The following SLC9A4 variants were observed in gnomAD, a reference collection of about 807,000 sequenced individuals.
The protein encoded by SLC9A4 is sodium/hydrogen exchanger 4.
In SLC9A4, 63 loss-of-function variants were observed where a neutral mutation model predicts 67.4. The ratio of observed to expected loss-of-function variants is 0.93; its 90% CI spans 0.76 to 1.15. SLC9A4 has a LOEUF of 1.15. Ranked by LOEUF, SLC9A4 falls within the 50% of genes most tolerant of loss-of-function variation. The pLI, the probability that SLC9A4 is intolerant of heterozygous loss-of-function variation, is 0.00. For synonymous variants in SLC9A4, 393 were observed against 367.2 expected, an observed-to-expected ratio of 1.07 and a Z score of -0.80; for missense variants, 1,089 against 987.7, an observed-to-expected ratio of 1.10 and a Z score of -1.38.
In SLC9A4 at chr2:102,519,717, A is replaced by G. The variant is rs1328816131; in HGVS notation, c.1722-142A>G. 6 of 640,356 alleles carry G rather than the reference A, an allele frequency of 9.4e-6. No individual in the cohort carries two copies. The East Asian group carries it at 1.9e-4, about 20-fold the overall frequency. The allele number at this position is 640,356 out of a possible 1,614,324, so 39.7% of individuals were successfully genotyped here. On this transcript the variant is annotated intron_variant, in intron 8 of 11. Coordinates refer to ENST00000295269, the MANE Select transcript of SLC9A4 (RefSeq NM_001011552.4). ...ATGTGTTTTGACATCAAACCAACTT[A>G]CTAGAACAATAGGAAAAATTATATG...
Position 102,477,115 on chromosome 2 carries a change from C to A in SLC9A4, c.257-1724C>A, listed in dbSNP as rs150212986. ...TTTGCTGGCTCCCCATGGCCTATGG[C>A]TGGAAGTCCACCGCCTTCCTTAGGT... On this transcript the variant is annotated intron_variant, in intron 1 of 11. Coordinates refer to ENST00000295269, the MANE Select transcript of SLC9A4 (RefSeq NM_001011552.4). Among the ~76,000 whole-genome samples the A allele has an allele frequency of 8.8e-3, 1,345 of 152,316 alleles. 27 individuals carry two copies. The highest frequency in any genetic ancestry group is 0.077 in the South Asian group (372 of 4,822).
At chr2:102,482,506 A>G (rs767230422) in intron 2 of SLC9A4, among the ~76,000 whole-genome samples, 1 of 152,134 alleles carries the variant, frequency 6.6e-6, no homozygotes, top group Non-Finnish European at 1.5e-5. Flanking sequence ...AAATACTGTC[A>G]TACTTTCAGT....
chr2:102,473,824 A>G lies in SLC9A4; in HGVS notation c.65A>G (p.Glu22Gly). 6.2e-7 allele frequency: 1 copy of G among 1,614,032 alleles called. No homozygotes were observed. The highest frequency in any genetic ancestry group is 8.5e-7 in the Non-Finnish European group (1 of 1,179,944). ...WNCLLLLVALECSEASSDLNE... is the reference protein window; with the variant it reads ...WNCLLLLVALGCSEASSDLNE... ...TGTTTGCTACTGCTAGTGGCTCTTGAGTGTTCTGAAGCATCTTCTGATTTG... is the reference window on the plus strand; with the variant it reads ...TGTTTGCTACTGCTAGTGGCTCTTGGGTGTTCTGAAGCATCTTCTGATTTG... Residue 22 changes from glutamate (E) to glycine (G), a missense_variant, in exon 1 of 12, where the codon GAG becomes GGG. Physicochemically the swap from Glu to Gly is moderately conservative, Grantham distance 98. Coordinates refer to ENST00000295269, the MANE Select transcript of SLC9A4 (RefSeq NM_001011552.4).
chr2:102,497,210 G>A (rs1684827997), intron 2 of SLC9A4, among the ~76,000 whole-genome samples: 1 of 152,240 alleles, frequency 6.6e-6, no homozygotes, highest in African/African-American at 2.4e-5. Context: ...TGGGACTACA[G>A]GCATGAGCCA....
chr2:102,505,610 T>A, intron 4 of SLC9A4, 139 bp downstream of exon 4: 1 of 740,532 alleles, frequency 1.4e-6, no homozygotes, highest in Non-Finnish European at 2.1e-6. Context: ...AACCTGGTCG[T>A]GAGCAGGAAT....
At chr2:102,525,413 T>G (rs1674641650) in intron 10 of SLC9A4, among the ~76,000 whole-genome samples, 1 of 151,656 alleles carries the variant, frequency 6.6e-6, no homozygotes, top group Non-Finnish European at 1.5e-5. Context: ...ACACTTGGTG[T>G]GCTATGAGTC....
chr2:102,474,428 T>C (rs1238239245), intron 1 of SLC9A4, among the ~76,000 whole-genome samples: 1 of 152,196 alleles, frequency 6.6e-6, no homozygotes. Context: ...ATTGTGGGCT[T>C]CATCAATCAC....
intron 6 of SLC9A4, among the ~76,000 whole-genome samples, chr2:102,509,823 T>C (rs1156417855): frequency 6.6e-6 from 1 of 152,186 alleles, no homozygotes; most frequent in African/African-American, 2.4e-5. Flanking sequence ...ATAACAGTTG[T>C]AACTGTTGCC....
intron 2 of SLC9A4, among the ~76,000 whole-genome samples, chr2:102,484,471 A>T (rs995597961): frequency 2.6e-5 from 4 of 152,148 alleles, no homozygotes; most frequent in Non-Finnish European, 5.9e-5. Flanking sequence ...TTCAGCTCAT[A>T]GGCTCACTGG....
chr2:102,476,805 AAGG>A (rs1373950860), intron 1 of SLC9A4, among the ~76,000 whole-genome samples: 1 of 152,130 alleles, frequency 6.6e-6, no homozygotes, highest in Admixed American at 6.5e-5. Context: ...GAAGATGAAG[AAGG>A]AGGAGGAGAA....
In SLC9A4 at chr2:102,493,549, A is replaced by G. The variant is rs192987859; in HGVS notation, c.721-9899A>G. 1.6e-4 allele frequency among the ~76,000 whole-genome samples: 25 copies of G among 151,886 alleles called. No individual in the cohort carries two copies. The East Asian group carries it at 4.6e-3, about 28-fold the overall frequency. ...ACTCACTATCATGAAGACAGCATGG[A>G]GGTAACCATCCCCATGATTCAATTA... On this transcript the variant is annotated intron_variant, in intron 2 of 11. Coordinates refer to ENST00000295269, the MANE Select transcript of SLC9A4 (RefSeq NM_001011552.4).
chr2:102,477,539 G>C (rs1461692785), intron 1 of SLC9A4, among the ~76,000 whole-genome samples: 3 of 152,188 alleles, frequency 2.0e-5, no homozygotes, highest in Non-Finnish European at 4.4e-5. Flanking sequence ...TTCCACATTA[G>C]TAGGAGACAT....
rs1684397674 is a variant in SLC9A4, at chr2:102,479,088, A to G, written c.506A>G (p.Asn169Ser). The change falls in exon 2 of 12, where the codon AAC (asparagine) becomes AGC (serine). Residue 169 changes from asparagine to serine, a missense_variant. Asn to Ser is a conservative substitution (Grantham distance 46, BLOSUM62 1). Coordinates refer to ENST00000295269, the MANE Select transcript of SLC9A4 (RefSeq NM_001011552.4). ...LWWAVLGALI[N>S]ALGIGLSLYL... ...TGGGCAGTATTGGGGGCCCTGATCA[A>G]CGCCTTGGGCATTGGCCTCTCCCTC... is the stretch of plus-strand genomic sequence containing the variant. The G allele has an allele frequency of 9.3e-6, 15 of 1,614,162 alleles. No individual in the cohort carries two copies. The highest frequency in any genetic ancestry group is 1.3e-5 in the Non-Finnish European group (15 of 1,180,004).
Position 102,532,560 on chromosome 2 carries a change from G to A in SLC9A4, c.2269G>A (p.Glu757Lys), listed in dbSNP as rs781267109. ...ACCTCTGTTTCATGCAGTGGATGAG[G>A]AGGGTGAGTCTGGAGGGGAGAGTGA... is the stretch of plus-strand genomic sequence containing the variant. ...PKPLFHAVDEEGESGGESEGK... is the reference protein window; with the variant it reads ...PKPLFHAVDEKGESGGESEGK... The change falls in exon 12 of 12, where the codon GAG becomes AAG. Residue 757 changes from glutamate to lysine, a missense_variant. Physicochemically the swap from Glu to Lys is moderately conservative, Grantham distance 56. Transcript: ENST00000295269. 1 of 1,614,096 alleles carries A rather than the reference G, an allele frequency of 6.2e-7. No homozygotes were observed. The highest frequency in any genetic ancestry group is 8.5e-7 in the Non-Finnish European group (1 of 1,179,988).
chr2:102,494,855 G>A (rs1684773443), intron 2 of SLC9A4, among the ~76,000 whole-genome samples: 1 of 152,072 alleles, frequency 6.6e-6, no homozygotes, highest in Non-Finnish European at 1.5e-5. Flanking sequence ...TTGACAAATT[G>A]AAAGGCAGAA....
At chr2:102,508,010 C>T (rs1330252701) in intron 4 of SLC9A4, 69 bp from the exon 5 acceptor site, 6 of 1,488,224 alleles carry the variant, frequency 4.0e-6, no homozygotes, top group Non-Finnish European at 5.6e-6. Context: ...CACACAACCT[C>T]AGTTCACTAG....
At chr2:102,475,641 GA>G (rs950001041) in intron 1 of SLC9A4, among the ~76,000 whole-genome samples, 9 of 151,900 alleles carry the variant, frequency 5.9e-5, no homozygotes, top group African/African-American at 1.9e-4. Context: ...ACATACTTTA[GA>G]AAAAAAGAGT....
Position 102,519,848 on chromosome 2 carries a change from A to G in SLC9A4, c.1722-11A>G. On this transcript the variant is annotated splice_polypyrimidine_tract_variant and intron_variant, in intron 8 of 11. Transcript: ENST00000295269. ...GAATAATGTTTGTCTCTTCTCCAAT[A>G]ATGATTCCAGGGCCCAGAGGATACA... 6.2e-7 allele frequency: 1 copy of G among 1,612,602 alleles called. No individual in the cohort carries two copies. Among genetic ancestry groups the G allele is most frequent in the Non-Finnish European group, 8.5e-7 (1 of 1,178,908 alleles).
rs1684261263 is a variant in SLC9A4, at chr2:102,473,375, T to C, written c.-385T>C. The C allele has an allele frequency of 4.5e-6, 1 of 220,104 alleles. No individual in the cohort carries two copies. The highest frequency in any genetic ancestry group is 5.3e-5 in the Admixed American group (1 of 18,954). 13.6% of individuals were successfully genotyped at this position (220,104 alleles called of 1,614,324 possible). On this transcript the variant is annotated 5_prime_UTR_variant, in exon 1 of 12. An upstream open reading frame in the 5' UTR loses its in-frame stop. Transcript: ENST00000295269. ...TGGAATGAGCACTACAGTATCCTTT[T>C]AAATTTTCACCCACAAGACAAAGCC... is the stretch of plus-strand genomic sequence containing the variant.
Sources: gnomAD v4.1 joint callset for allele counts (sites outside exome capture counted in the v4.1 genomes callset) on GRCh38, gnomAD v4.1.1 for gene constraint, MANE v1.5 for transcripts, NCBI Gene and HGNC (gene_info 2026-07-23, HGNC 2026-07-21) for gene names.